The following CUBN variants were observed in gnomAD, a reference collection of about 807,000 sequenced individuals.
CUBN encodes the protein 460 kDa receptor.
In CUBN, 282 loss-of-function variants were observed where a neutral mutation model predicts 405.3. The ratio of observed to expected loss-of-function variants is 0.70; its 90% CI spans 0.63 to 0.77. The LOEUF (loss-of-function observed/expected upper bound fraction) is 0.77, where lower values mean the gene tolerates loss of function less well. Among genes scored for constraint, CUBN ranks in the 30% least tolerant of loss-of-function variants. The pLI, the probability that CUBN is intolerant of heterozygous loss-of-function variation, is 0.00. For synonymous variants in CUBN, 1,684 were observed against 1,617.0 expected, an observed-to-expected ratio of 1.04 and a Z score of -0.99; for missense variants, 4,514 against 4,475.2, an observed-to-expected ratio of 1.01 and a Z score of -0.25.
intron 28 of CUBN, among the ~76,000 whole-genome samples, chr10:17,001,738 T>C (rs994175578): frequency 1.6e-4 from 25 of 152,366 alleles, no homozygotes; most frequent in African/African-American, 5.0e-4. Flanking sequence ...TAGTTTATTT[T>C]TATCATAATA....
In CUBN at chr10:17,088,959, A is replaced by T. The variant is rs1836191215; in HGVS notation, c.1766-614T>A. Among the ~76,000 whole-genome samples the T allele has an allele frequency of 2.0e-5, 3 of 152,140 alleles. No individual in the cohort carries two copies. The South Asian group carries it at 6.2e-4, about 31-fold the overall frequency. ...CTCATTATACCACATCGGCCCCCTA[A>T]CGTTGCTGACTAGTGACTGGAAGAA... On this transcript the variant is annotated intron_variant, in intron 14 of 66. Coordinates refer to ENST00000377833, the MANE Select transcript of CUBN (RefSeq NM_001081.4).
At chr10:16,929,535 T>C (rs555107626) in intron 40 of CUBN, among the ~76,000 whole-genome samples, 3 of 152,338 alleles carry the variant, frequency 2.0e-5, no homozygotes, top group Non-Finnish European at 4.4e-5. Flanking sequence ...TTGAAACTCA[T>C]TCATTATTAA....
chr10:16,945,202 CA>C lies in CUBN; in HGVS notation c.5342+2032del, dbSNP rs142713817. 1.3e-3 allele frequency among the ~76,000 whole-genome samples: 192 copies of C among 145,690 alleles called. 1 individual carries two copies. Among genetic ancestry groups the C allele is most frequent in the African/African-American group, 4.1e-3 (163 of 39,528 alleles). The stretch of plus-strand genomic sequence containing the variant: ...GTGGTAGAGACAAACAGGAAAAGAC[CA>C]AAAAAAAAAATCATTTTATTTGGCA... On this transcript the variant is annotated intron_variant, in intron 36 of 66. Transcript: ENST00000377833.
chr10:16,870,739 G>T (rs115733224), intron 58 of CUBN, among the ~76,000 whole-genome samples: 1 of 152,172 alleles, frequency 6.6e-6, no homozygotes, highest in Non-Finnish European at 1.5e-5. Context: ...TCATTACAAT[G>T]AGAAATCAAC....
intron 65 of CUBN, among the ~76,000 whole-genome samples, chr10:16,830,925 A>G (rs1191879806): frequency 1.3e-5 from 2 of 152,084 alleles, no homozygotes; most frequent in Non-Finnish European, 2.9e-5. Flanking sequence ...TCTGTCTACT[A>G]AAAATACAAA....
At chr10:16,979,386 C>A (rs907575020) in intron 31 of CUBN, among the ~76,000 whole-genome samples, 5 of 152,136 alleles carry the variant, frequency 3.3e-5, no homozygotes, top group Admixed American at 6.5e-5. Flanking sequence ...ACAGCCAAGA[C>A]AATCCTAAGC....
intron 15 of CUBN, 47 bp from the exon 16 acceptor site, chr10:17,085,806 A>T: frequency 6.5e-7 from 1 of 1,539,416 alleles, no homozygotes. Context: ...TCAGATTTTT[A>T]ACAAACTAGG....
chr10:17,057,850 C>T lies in CUBN; in HGVS notation c.3139+7658G>A, dbSNP rs531410564. Among the ~76,000 whole-genome samples the T allele has an allele frequency of 8.5e-5, 13 of 152,138 alleles. 1 individual carries two copies. In the South Asian group the frequency reaches 1.3e-3, roughly 15 times the overall value. On this transcript the variant is annotated intron_variant, in intron 22 of 66. Coordinates refer to ENST00000377833, the MANE Select transcript of CUBN (RefSeq NM_001081.4). ...CAAATGAAAGAAGCCAAGCCGGGTG[C>T]GGTGGCTCACGCCTGTAATCCCAGC...
intron 28 of CUBN, among the ~76,000 whole-genome samples, chr10:17,000,990 G>C (rs528239938): frequency 1.6e-4 from 25 of 152,268 alleles, no homozygotes; most frequent in Non-Finnish European, 3.5e-4. Flanking sequence ...TCCGGAGTTT[G>C]CTCCTTCAAA....
chr10:16,859,864 C>T (rs181629484), intron 59 of CUBN, among the ~76,000 whole-genome samples: 234 of 152,122 alleles, frequency 1.5e-3, no homozygotes, highest in Middle Eastern at 3.4e-3. Flanking sequence ...CTATTATGTA[C>T]GTAGAATTAA....
intron 50 of CUBN, 122 bp from the exon 51 acceptor site, chr10:16,904,237 G>T: frequency 1.1e-6 from 1 of 901,272 alleles, no homozygotes; most frequent in Non-Finnish European, 1.8e-6. Context: ...TGATTTAGTA[G>T]CAGACATTGC....
intron 17 of CUBN, among the ~76,000 whole-genome samples, chr10:17,076,869 T>C (rs2131854710): frequency 6.6e-6 from 1 of 152,308 alleles, no homozygotes; most frequent in South Asian, 2.1e-4. Context: ...AACCTGCTAT[T>C]GTGAGCAAAG....
At chr10:16,851,146 G>A (rs1839671294) in intron 60 of CUBN, 89 bp downstream of exon 60, 2 of 1,104,024 alleles carry the variant, frequency 1.8e-6, no homozygotes, top group South Asian at 2.5e-5. Context: ...CTCAAAATTA[G>A]CAGGACTTCC....
At chr10:16,936,236 G>A (rs2131600074) in intron 39 of CUBN, among the ~76,000 whole-genome samples, 1 of 152,160 alleles carries the variant, frequency 6.6e-6, no homozygotes, top group East Asian at 1.9e-4. Context: ...CTACCTTGAG[G>A]GTTGTAAATA....
At chr10:17,043,247 G>A (rs970022615) in intron 26 of CUBN, among the ~76,000 whole-genome samples, 4 of 152,118 alleles carry the variant, frequency 2.6e-5, no homozygotes, top group African/African-American at 9.7e-5. Flanking sequence ...ATTCCATCAT[G>A]TTGCTATCTG....
At chr10:17,124,740 T>C (rs1837133470) in intron 4 of CUBN, among the ~76,000 whole-genome samples, 1 of 151,994 alleles carries the variant, frequency 6.6e-6, no homozygotes. Flanking sequence ...AGAAAACTTC[T>C]TTAGAGGGAA....
rs775134412 is a variant in CUBN, at chr10:16,869,703, G to A, written c.9387C>T (p.Leu3129=). ...PNVKSSNNSM[L]LVFKTDSFQT... ...GAAATGAATCTGTCTTGAACACCAG[G>A]AGCATACTATTATTGCTGCTCTTCA... The change falls in exon 59 of 67, where the codon CTC becomes CTT. Residue 3129 remains leucine, a synonymous_variant. Coordinates refer to ENST00000377833, the MANE Select transcript of CUBN (RefSeq NM_001081.4). 1.9e-6 allele frequency: 3 copies of A among 1,614,052 alleles called. No individual in the cohort carries two copies. The highest frequency in any genetic ancestry group is 1.1e-5 in the South Asian group (1 of 91,084).
chr10:16,919,480 T>C (rs1200504401), intron 44 of CUBN, among the ~76,000 whole-genome samples: 2 of 152,386 alleles, frequency 1.3e-5, no homozygotes, highest in South Asian at 4.1e-4. Flanking sequence ...ACTTACTGTT[T>C]TGTAATCCTT....
intron 49 of CUBN, among the ~76,000 whole-genome samples, chr10:16,906,848 A>G (rs186708861): frequency 1.3e-5 from 2 of 152,232 alleles, no homozygotes; most frequent in African/African-American, 2.4e-5. Context: ...CTTTTAATAA[A>G]GGAACAGATG....
Sources: gnomAD v4.1 joint callset for allele counts (sites outside exome capture counted in the v4.1 genomes callset) on GRCh38, gnomAD v4.1.1 for gene constraint, MANE v1.5 for transcripts, NCBI Gene and HGNC (gene_info 2026-07-23, HGNC 2026-07-21) for gene names.